Variants in ELMO1 observed in about 807,000 individuals in gnomAD.
The protein encoded by ELMO1 is engulfment and cell motility 1.
In ELMO1, 26 loss-of-function variants were observed where a neutral mutation model predicts 98.9. The ratio of observed to expected loss-of-function variants is 0.26; its 90% CI spans 0.19 to 0.36. ELMO1 has a LOEUF of 0.36. Ranked by LOEUF, ELMO1 falls within the 10% of genes least tolerant of loss-of-function variation. ELMO1 has a pLI of 1.00. For synonymous variants in ELMO1, 346 were observed against 346.0 expected, an observed-to-expected ratio of 1.00 and a Z score of 0.00; for missense variants, 627 against 935.2, an observed-to-expected ratio of 0.67 and a Z score of 4.30.
chr7:37,008,836 G>A (rs1431500658), intron 16 of ELMO1, among the ~76,000 whole-genome samples: 1 of 152,078 alleles, frequency 6.6e-6, no homozygotes, highest in Non-Finnish European at 1.5e-5. Flanking sequence ...TGTTAATGAT[G>A]GCGATTCTAT....
chr7:37,065,394 C>T (rs765504580), intron 15 of ELMO1, among the ~76,000 whole-genome samples: 1 of 152,180 alleles, frequency 6.6e-6, no homozygotes, highest in Non-Finnish European at 1.5e-5. Context: ...TCCATGAGAA[C>T]TGCGCTAGCT....
At chr7:37,335,373 G>A (rs781180259) in intron 2 of ELMO1, among the ~76,000 whole-genome samples, 1 of 152,126 alleles carries the variant, frequency 6.6e-6, no homozygotes, top group Non-Finnish European at 1.5e-5. Context: ...GAATGTGCGG[G>A]AACAAGCGTC....
intron 1 of ELMO1, among the ~76,000 whole-genome samples, chr7:37,437,342 G>C (rs1209645350): frequency 6.6e-6 from 1 of 152,178 alleles, no homozygotes; most frequent in Non-Finnish European, 1.5e-5. Context: ...TCTCAGGTTA[G>C]TTCAAATGGA....
At chr7:37,321,578 G>A (rs905552120) in intron 2 of ELMO1, among the ~76,000 whole-genome samples, 30 of 151,620 alleles carry the variant, frequency 2.0e-4, no homozygotes, top group African/African-American at 6.8e-4. Context: ...TTAGCCGGGC[G>A]TGGTGGCGGG....
intron 16 of ELMO1, among the ~76,000 whole-genome samples, chr7:36,968,118 C>A (rs1292152069): frequency 6.6e-6 from 1 of 152,050 alleles, no homozygotes; most frequent in Non-Finnish European, 1.5e-5. Context: ...CAGAGTCTTC[C>A]AGAATTATTT....
chr7:37,209,468 G>C (rs949039977), intron 13 of ELMO1, among the ~76,000 whole-genome samples: 3 of 152,184 alleles, frequency 2.0e-5, no homozygotes, highest in Non-Finnish European at 4.4e-5. Flanking sequence ...CCAGGCACTG[G>C]CAGGAGGAGG....
chr7:37,061,857 AT>A (rs1211086077), intron 15 of ELMO1, among the ~76,000 whole-genome samples: 1 of 152,204 alleles, frequency 6.6e-6, no homozygotes, highest in Non-Finnish European at 1.5e-5. Flanking sequence ...AATATTTTTC[AT>A]TCAGGATTTT....
chr7:37,024,543 C>T (rs1375355348), intron 15 of ELMO1, among the ~76,000 whole-genome samples: 3 of 152,168 alleles, frequency 2.0e-5, no homozygotes, highest in African/African-American at 7.2e-5. Flanking sequence ...AATACCTTAG[C>T]ACAAAGTGGA....
At chr7:37,405,876 T>G (rs549886827) in intron 1 of ELMO1, among the ~76,000 whole-genome samples, 8 of 152,194 alleles carry the variant, frequency 5.3e-5, no homozygotes, top group Non-Finnish European at 1.2e-4. Context: ...CTCTGGAAAG[T>G]TGGCCTCAAG....
chr7:37,047,220 C>G (rs1008057211), intron 15 of ELMO1, among the ~76,000 whole-genome samples: 6 of 152,210 alleles, frequency 3.9e-5, no homozygotes, highest in Admixed American at 2.0e-4. Context: ...TACAAATGAC[C>G]TGGCATTTCA....
chr7:37,200,287 C>CCCAGGCTAGTCTTGAACTCCTGGCCT (rs1792215468), intron 13 of ELMO1, among the ~76,000 whole-genome samples: 2 of 140,162 alleles, frequency 1.4e-5, no homozygotes, highest in African/African-American at 5.4e-5. Flanking sequence ...GACTTTATTG[C>CCCAGGCTAGTCTTGAACTCCTGGCCT]CCAGGCTAGT....
intron 1 of ELMO1, among the ~76,000 whole-genome samples, chr7:37,369,639 A>T (rs530324099): frequency 8.8e-4 from 131 of 149,684 alleles, no homozygotes; most frequent in African/African-American, 3.0e-3. Context: ...GGTAAGAAGG[A>T]TTTCTTAAGC....
chr7:37,429,019 G>GGTTGTTGTT (rs67631888), intron 1 of ELMO1, among the ~76,000 whole-genome samples: 21 of 151,210 alleles, frequency 1.4e-4, no homozygotes, highest in African/African-American at 4.9e-4. Context: ...ACGTACTGCA[G>GGTTGTTGTT]GTTGTTGTTG....
intron 16 of ELMO1, among the ~76,000 whole-genome samples, chr7:36,902,965 C>T (rs1258872570): frequency 2.0e-5 from 3 of 152,228 alleles, no homozygotes; most frequent in African/African-American, 7.2e-5. Flanking sequence ...TCCAGCTCCT[C>T]CTCACTCCAG....
intron 13 of ELMO1, among the ~76,000 whole-genome samples, chr7:37,146,702 A>G (rs1287864906): frequency 6.6e-6 from 1 of 152,192 alleles, no homozygotes; most frequent in Non-Finnish European, 1.5e-5. Flanking sequence ...GGAATTTATT[A>G]ATAAGAATCA....
intron 1 of ELMO1, among the ~76,000 whole-genome samples, chr7:37,405,954 A>T (rs1035508577): frequency 2.0e-5 from 3 of 152,200 alleles, no homozygotes; most frequent in Non-Finnish European, 4.4e-5. Flanking sequence ...AAATGTCAAC[A>T]CTTGCTTCCC....
intron 2 of ELMO1, among the ~76,000 whole-genome samples, chr7:37,331,696 C>A (rs17170997): frequency 6.6e-6 from 1 of 152,040 alleles, no homozygotes; most frequent in Non-Finnish European, 1.5e-5. Flanking sequence ...AGGAAGAGGT[C>A]CAGAGAGGGT....
At position 37,099,382 on chromosome 7, in the gene ELMO1, T is replaced by C. The variant is rs564275452; in HGVS notation, c.1192-2655A>G. Reference sequence around the variant, plus strand: ...TGGACAATAGCTTTTATTTAACACATTGATACATCTACATTCAATTTCAAC... The same window carrying C: ...TGGACAATAGCTTTTATTTAACACACTGATACATCTACATTCAATTTCAAC... On this transcript the variant is annotated intron_variant, in intron 14 of 21. Coordinates refer to ENST00000310758, the MANE Select transcript of ELMO1 (RefSeq NM_014800.11). Among the ~76,000 whole-genome samples the C allele has an allele frequency of 4.6e-5, 7 of 152,364 alleles. No individual in the cohort carries two copies. In the South Asian group the frequency reaches 1.5e-3, roughly 32 times the overall value.
At chr7:37,199,613 C>T (rs943864654) in intron 13 of ELMO1, among the ~76,000 whole-genome samples, 15 of 152,178 alleles carry the variant, frequency 9.9e-5, no homozygotes, top group Non-Finnish European at 1.6e-4. Flanking sequence ...AAGGGAGTAA[C>T]ATATCCCATA....
Sources: allele counts gnomAD v4.1 joint callset (sites outside exome capture counted in the v4.1 genomes callset), GRCh38; gene constraint gnomAD v4.1.1; transcripts MANE v1.5; gene names NCBI Gene and HGNC (gene_info 2026-07-23, HGNC 2026-07-21).